Variants in METTL24 observed in about 807,000 individuals in gnomAD.
METTL24 encodes probable methyltransferase-like protein 24.
In METTL24, 29 loss-of-function variants were observed where a neutral mutation model predicts 32.7. The observed-to-expected ratio is 0.89, with a 90% CI of 0.66 to 1.21. The LOEUF (loss-of-function observed/expected upper bound fraction) is 1.21. METTL24 is among the 50% of genes most tolerant of loss of function. The pLI is 0.00. For synonymous variants in METTL24, 163 were observed against 179.5 expected (o/e 0.91, Z 0.73); for missense variants, 439 against 468.1 (o/e 0.94, Z 0.57).
intron 4 of METTL24, among the ~76,000 whole-genome samples, chr6:110,279,039 A>AG (rs148814190): frequency 0.22 from 34,157 of 152,114 alleles, 5,702 homozygotes; most frequent in African/African-American, 0.48. Context: ...GTCTGTAACA[A>AG]GGTTATGACC....
chr6:110,346,348 T>C (rs941562960), intron 1 of METTL24, among the ~76,000 whole-genome samples: 1 of 152,160 alleles, frequency 6.6e-6, no homozygotes, highest in Non-Finnish European at 1.5e-5. Flanking sequence ...AGGGAATGAC[T>C]GCAAACAAAA....
At chr6:110,252,317 C>A (rs1778296345) in intron 4 of METTL24, among the ~76,000 whole-genome samples, 1 of 152,188 alleles carries the variant, frequency 6.6e-6, no homozygotes, top group African/African-American at 2.4e-5. Flanking sequence ...TTGGTTTCTC[C>A]TAAGTCCTCC....
At chr6:110,310,158 C>T (rs140411289) in intron 3 of METTL24, among the ~76,000 whole-genome samples, 156 of 152,158 alleles carry the variant, frequency 1.0e-3, no homozygotes, top group African/African-American at 2.8e-3. Context: ...CCCAGATTTT[C>T]GGTATAAAAT....
At chr6:110,312,460 T>C (rs534490326) in intron 3 of METTL24, among the ~76,000 whole-genome samples, 1 of 152,264 alleles carries the variant, frequency 6.6e-6, no homozygotes, top group East Asian at 1.9e-4. Flanking sequence ...TAAGTGTCCA[T>C]TAGTGATAAA....
At chr6:110,329,826 C>A (rs1363619882) in intron 1 of METTL24, among the ~76,000 whole-genome samples, 1 of 152,208 alleles carries the variant, frequency 6.6e-6, no homozygotes, top group Non-Finnish European at 1.5e-5. Flanking sequence ...ATCTCAGTTT[C>A]CGTTCTGGGT....
chr6:110,268,547 G>A (rs1015590985), intron 4 of METTL24, among the ~76,000 whole-genome samples: 1 of 152,148 alleles, frequency 6.6e-6, no homozygotes, highest in African/African-American at 2.4e-5. Context: ...CATTCCTGGG[G>A]GTAAGCGGCA....
intron 1 of METTL24, among the ~76,000 whole-genome samples, 158 bp from the exon 2 acceptor site, chr6:110,323,030 T>C (rs1384590136): frequency 6.6e-6 from 1 of 152,186 alleles, no homozygotes; most frequent in East Asian, 1.9e-4. Flanking sequence ...GCTGCTGTCA[T>C]TAAGGCCACA....
At chr6:110,278,406 T>C (rs371193101) in intron 4 of METTL24, among the ~76,000 whole-genome samples, 1 of 152,210 alleles carries the variant, frequency 6.6e-6, no homozygotes, top group East Asian at 1.9e-4. Context: ...CTGAAAGCGA[T>C]GGCTATAGTG....
chr6:110,271,623 C>T (rs954281567), intron 4 of METTL24, among the ~76,000 whole-genome samples: 2 of 152,078 alleles, frequency 1.3e-5, no homozygotes, highest in Non-Finnish European at 1.5e-5. Context: ...TCAACAAAAG[C>T]GAGTCCATAG....
chr6:110,272,323 A>C lies in METTL24; in HGVS notation c.787-26063T>G, dbSNP rs890028634. Reference sequence around the variant, plus strand: ...ATTTCATTCCGTTTTATGGCTGAGTAGTATTCCATGGTGTATACATACCAC... The same window carrying C: ...ATTTCATTCCGTTTTATGGCTGAGTCGTATTCCATGGTGTATACATACCAC... On this transcript the variant is annotated intron_variant, in intron 4 of 4. Transcript: ENST00000338882. Among the ~76,000 whole-genome samples, 3 of 152,238 alleles carry C rather than the reference A, an allele frequency of 2.0e-5. No individual in the cohort carries two copies. In the East Asian group the frequency reaches 5.8e-4, roughly 29 times the overall value.
At chr6:110,329,047 C>T (rs1294493891) in intron 1 of METTL24, among the ~76,000 whole-genome samples, 1 of 152,192 alleles carries the variant, frequency 6.6e-6, no homozygotes, top group African/African-American at 2.4e-5. Context: ...TGTTTCAAGG[C>T]TACAGTCCTT....
chr6:110,322,196 C>G (rs917897342), intron 2 of METTL24, among the ~76,000 whole-genome samples: 1 of 152,192 alleles, frequency 6.6e-6, no homozygotes, highest in Non-Finnish European at 1.5e-5. Context: ...TGGAGCTGGG[C>G]AGGAACTACC....
intron 2 of METTL24, among the ~76,000 whole-genome samples, chr6:110,320,552 T>C (rs1455642658): frequency 6.6e-6 from 1 of 152,196 alleles, no homozygotes; most frequent in African/African-American, 2.4e-5. Context: ...TTAAAAACCA[T>C]TGTGAGGTCC....
At chr6:110,262,680 A>G (rs1015368731) in intron 4 of METTL24, among the ~76,000 whole-genome samples, 4 of 152,250 alleles carry the variant, frequency 2.6e-5, no homozygotes, top group Non-Finnish European at 4.4e-5. Context: ...AGAGAATTTT[A>G]GAGCAATATC....
chr6:110,322,168 C>T lies in METTL24; in HGVS notation c.417+606G>A, dbSNP rs190276772. 8.1e-4 allele frequency among the ~76,000 whole-genome samples: 124 copies of T among 152,300 alleles called. 1 individual carries two copies. Among genetic ancestry groups the T allele is most frequent in the African/African-American group, 2.8e-3 (115 of 41,546 alleles). On this transcript the variant is annotated intron_variant, in intron 2 of 4. Transcript: ENST00000338882. ...TTAATGGACAGTCTCTTTGCCTGCTCGGGGCACTGGCTCAGCCTGGAGCTG... is the reference window on the plus strand; with the variant it reads ...TTAATGGACAGTCTCTTTGCCTGCTTGGGGCACTGGCTCAGCCTGGAGCTG...
At chr6:110,327,976 C>T (rs1426024910) in intron 1 of METTL24, among the ~76,000 whole-genome samples, 3 of 152,230 alleles carry the variant, frequency 2.0e-5, no homozygotes, top group Non-Finnish European at 4.4e-5. Flanking sequence ...GCCACCTGTA[C>T]TTCCTCTTCA....
chr6:110,249,122 TTTAAA>T (rs1778225835), intron 4 of METTL24, among the ~76,000 whole-genome samples: 1 of 151,986 alleles, frequency 6.6e-6, no homozygotes, highest in Admixed American at 6.6e-5. Context: ...GTTCATCACC[TTTAAA>T]TTAACCTAAA....
At position 110,256,764 on chromosome 6, in the gene METTL24, C is replaced by G. The variant is rs571461857; in HGVS notation, c.787-10504G>C. Reference sequence around the variant, plus strand: ...TCCCACAGGGCACAAATGTTGTGTTCGGGTCTTGATTTTCAACTCTTTATG... The same window carrying G: ...TCCCACAGGGCACAAATGTTGTGTTGGGGTCTTGATTTTCAACTCTTTATG... On this transcript the variant is annotated intron_variant, in intron 4 of 4. Coordinates refer to ENST00000338882, the MANE Select transcript of METTL24 (RefSeq NM_001123364.3). 4.6e-5 allele frequency among the ~76,000 whole-genome samples: 7 copies of G among 152,150 alleles called. No homozygotes were observed. In the East Asian group the frequency reaches 1.3e-3, roughly 29 times the overall value.
At chr6:110,298,794 G>A in intron 4 of METTL24, 128 bp downstream of exon 4, 1 of 734,936 alleles carries the variant, frequency 1.4e-6, no homozygotes, top group Non-Finnish European at 2.2e-6. Flanking sequence ...ATAATGTTGG[G>A]TGATTAGTAA....
Sources: gnomAD v4.1 joint callset for allele counts (sites outside exome capture counted in the v4.1 genomes callset) on GRCh38, gnomAD v4.1.1 for gene constraint, MANE v1.5 for transcripts, NCBI Gene and HGNC (gene_info 2026-07-23, HGNC 2026-07-21) for gene names.